The following DOCK3 variants were observed in gnomAD, a reference collection of about 807,000 sequenced individuals.
The protein encoded by DOCK3 is dedicator of cytokinesis 3.
In DOCK3, 60 loss-of-function variants were observed where a neutral mutation model predicts 265.6. That is an observed-to-expected ratio of 0.23 (90% CI 0.18 to 0.28). DOCK3 has a LOEUF of 0.28. DOCK3 is among the 10% of genes least tolerant of loss of function. DOCK3 has a pLI of 1.00. For synonymous variants in DOCK3, 881 were observed against 938.0 expected (o/e 0.94, Z 1.11); for missense variants, 1,981 against 2,594.3 (o/e 0.76, Z 5.14).
intron 32 of DOCK3, among the ~76,000 whole-genome samples, chr3:51,319,002 G>T (rs2083522900): frequency 6.6e-6 from 1 of 152,190 alleles, no homozygotes; most frequent in East Asian, 1.9e-4. Flanking sequence ...TCTGAGAATA[G>T]AGTTTTATTT....
intron 5 of DOCK3, among the ~76,000 whole-genome samples, chr3:51,000,725 T>C (rs925753798): frequency 1.3e-5 from 2 of 152,192 alleles, no homozygotes; most frequent in Admixed American, 6.5e-5. Flanking sequence ...CGATCTTGGC[T>C]CACTGCAACC....
chr3:51,148,593 A>G (rs970029287), intron 10 of DOCK3, among the ~76,000 whole-genome samples: 2 of 152,230 alleles, frequency 1.3e-5, no homozygotes, highest in African/African-American at 2.4e-5. Context: ...CATTTATTAC[A>G]TAGGGAATCC....
intron 3 of DOCK3, among the ~76,000 whole-genome samples, chr3:50,867,068 A>G (rs912580578): frequency 6.6e-6 from 1 of 152,194 alleles, no homozygotes; most frequent in African/African-American, 2.4e-5. Context: ...ATCCATGAAC[A>G]TGGAATGTTT....
chr3:50,751,431 G>T (rs765761663), intron 1 of DOCK3, among the ~76,000 whole-genome samples: 1 of 152,006 alleles, frequency 6.6e-6, no homozygotes, highest in Non-Finnish European at 1.5e-5. Flanking sequence ...TTCCCCCAAT[G>T]CCTGGACAGG....
intron 9 of DOCK3, among the ~76,000 whole-genome samples, chr3:51,125,359 A>G (rs2106825016): frequency 6.6e-6 from 1 of 152,242 alleles, no homozygotes; most frequent in East Asian, 1.9e-4. Context: ...GTATCTGACA[A>G]ATTTAAATAT....
chr3:50,724,702 G>A (rs1373623125), intron 1 of DOCK3, among the ~76,000 whole-genome samples: 1 of 152,002 alleles, frequency 6.6e-6, no homozygotes, highest in African/African-American at 2.4e-5. Flanking sequence ...GGGGGTCTGG[G>A]GGAGGGATAG....
At chr3:50,860,097 A>C (rs2046834194) in intron 3 of DOCK3, among the ~76,000 whole-genome samples, 1 of 152,124 alleles carries the variant, frequency 6.6e-6, no homozygotes, top group South Asian at 2.1e-4. Flanking sequence ...CAGTCAGTCC[A>C]TGATGGAGGG....
At position 51,317,235 on chromosome 3, in the gene DOCK3, G is replaced by A. The variant is rs187897939; in HGVS notation, c.3402+2107G>A. Among the ~76,000 whole-genome samples, 8 of 148,462 alleles carry A rather than the reference G, an allele frequency of 5.4e-5. No individual in the cohort carries two copies. The East Asian group carries it at 1.6e-3, about 29-fold the overall frequency. ...TGAAAAGAGTATCCTTTCTTCAGTT[G>A]TCTTTCTGCCTTGGTCAAAAACCAA... On this transcript the variant is annotated intron_variant, in intron 32 of 52. Transcript: ENST00000266037.
chr3:50,818,176 C>T (rs1040730597), intron 2 of DOCK3, among the ~76,000 whole-genome samples: 2 of 152,200 alleles, frequency 1.3e-5, no homozygotes, highest in African/African-American at 2.4e-5. Flanking sequence ...TTTAGCCCTA[C>T]TTGCTGGGCA....
chr3:51,197,734 G>A (rs1345710790), intron 12 of DOCK3, among the ~76,000 whole-genome samples: 1 of 152,136 alleles, frequency 6.6e-6, no homozygotes, highest in African/African-American at 2.4e-5. Flanking sequence ...GCTCAGGTGA[G>A]GGGTGTTAGC....
At chr3:50,997,727 C>G (rs1384180166) in intron 5 of DOCK3, among the ~76,000 whole-genome samples, 1 of 152,126 alleles carries the variant, frequency 6.6e-6, no homozygotes, top group Non-Finnish European at 1.5e-5. Flanking sequence ...CCCCACCCAC[C>G]TCACTCTTTT....
chr3:50,687,407 C>T lies in DOCK3; in HGVS notation c.37+12107C>T, dbSNP rs181644377. Among the ~76,000 whole-genome samples, 167 of 152,290 alleles carry T rather than the reference C, an allele frequency of 1.1e-3. 1 individual carries two copies. The highest frequency in any genetic ancestry group is 1.5e-3 in the Non-Finnish European group (100 of 68,028). ...AAGCAGTTTGTGACCCATTCTGCGT[C>T]ACTGAAATGTGCTGCCAGTAGTGAC... On this transcript the variant is annotated intron_variant, in intron 1 of 52. Transcript: ENST00000266037.
chr3:51,349,821 T>C (rs972037567), intron 39 of DOCK3, among the ~76,000 whole-genome samples: 6 of 152,208 alleles, frequency 3.9e-5, no homozygotes, highest in African/African-American at 1.2e-4. Flanking sequence ...TTTAGTCAGA[T>C]GATAGATGAA....
At chr3:51,231,946 A>G (rs913673845) in intron 19 of DOCK3, among the ~76,000 whole-genome samples, 3 of 152,192 alleles carry the variant, frequency 2.0e-5, no homozygotes, top group Non-Finnish European at 4.4e-5. Context: ...TAGTGAAAGT[A>G]GGGGTCCAGT....
In DOCK3 at chr3:51,186,381, G is replaced by A. The variant is rs570841530; in HGVS notation, c.1038-22393G>A. Among the ~76,000 whole-genome samples the A allele has an allele frequency of 2.4e-3, 373 of 152,248 alleles. 3 individuals are homozygous for A. Among genetic ancestry groups the A allele is most frequent in the Middle Eastern group, 6.8e-3 (2 of 294 alleles). On this transcript the variant is annotated intron_variant, in intron 12 of 52. Transcript: ENST00000266037. ...AGCAAAGCATTCAAGATGTGACTTGGGTGCTGTTAAAGGCATTCAGTTTTA... is the reference window on the plus strand; with the variant it reads ...AGCAAAGCATTCAAGATGTGACTTGAGTGCTGTTAAAGGCATTCAGTTTTA...
intron 14 of DOCK3, among the ~76,000 whole-genome samples, chr3:51,214,956 T>C (rs926929447): frequency 6.6e-6 from 1 of 152,168 alleles, no homozygotes; most frequent in African/African-American, 2.4e-5. Flanking sequence ...CCAAGGGGGC[T>C]ATCAGGAGTG....
intron 27 of DOCK3, among the ~76,000 whole-genome samples, chr3:51,306,151 C>A (rs1245882098): frequency 6.6e-6 from 1 of 152,016 alleles, no homozygotes; most frequent in Non-Finnish European, 1.5e-5. Flanking sequence ...CAGACATGAG[C>A]CACTGTGCTT....
chr3:51,227,915 A>G, intron 16 of DOCK3, 67 bp from the exon 17 acceptor site: 1 of 1,479,982 alleles, frequency 6.8e-7, no homozygotes, highest in Admixed American at 1.8e-5. Context: ...TGATAAGCAC[A>G]AGGAGAATTT....
rs533284374 is a variant in DOCK3 at position 51,027,238 on chromosome 3, C to T, written c.316-37210C>T. Among the ~76,000 whole-genome samples the T allele has an allele frequency of 3.9e-5, 6 of 151,976 alleles. No homozygotes were observed. The South Asian group carries it at 1.2e-3, about 32-fold the overall frequency. On this transcript the variant is annotated intron_variant, in intron 5 of 52. Transcript: ENST00000266037. The stretch of plus-strand genomic sequence containing the variant: ...TTGTCCAGAAGCAACTCATTTAGTT[C>T]CCATGTATTTGTGTGGTTTTGAGAG...
Sources: gnomAD v4.1 joint callset for allele counts (sites outside exome capture counted in the v4.1 genomes callset) on GRCh38, gnomAD v4.1.1 for gene constraint, MANE v1.5 for transcripts, NCBI Gene and HGNC (gene_info 2026-07-23, HGNC 2026-07-21) for gene names.